Variants in VIPR2 observed in about 807,000 individuals in gnomAD.
VIPR2 encodes vasoactive intestinal polypeptide receptor 2.
A neutral mutation model predicts 58.0 loss-of-function variants in VIPR2; 48 were observed. The ratio of observed to expected loss-of-function variants is 0.83; its 90% CI spans 0.66 to 1.05. The LOEUF is 1.05. Among genes scored for constraint, VIPR2 ranks in the 50% least tolerant of loss-of-function variants. VIPR2 has a pLI of 0.00. For synonymous variants in VIPR2, 243 were observed against 235.2 expected, an observed-to-expected ratio of 1.03 and a Z score of -0.30; for missense variants, 534 against 558.0, an observed-to-expected ratio of 0.96 and a Z score of 0.43.
rs1209236815 is a variant in VIPR2, at chr7:159,029,799, T to G, written c.*817A>C. On this transcript the variant is annotated 3_prime_UTR_variant, in exon 13 of 13. Coordinates refer to ENST00000262178, the MANE Select transcript of VIPR2 (RefSeq NM_003382.5). ...CTTCCGTGGGGAGGCAAAACAGCCCTGTGGAGTTGGGTGGGGCAGGGCTCA... is the reference window on the plus strand; with the variant it reads ...CTTCCGTGGGGAGGCAAAACAGCCCGGTGGAGTTGGGTGGGGCAGGGCTCA... 3 of 152,496 alleles carry G rather than the reference T, an allele frequency of 2.0e-5. No individual in the cohort carries two copies. The highest frequency in any genetic ancestry group is 7.2e-5 in the African/African-American group (3 of 41,444). The allele number at this position is 152,496 out of a possible 1,614,324, so 9.4% of individuals were successfully genotyped here. A position where few individuals can be genotyped will look rare whatever the true frequency, so the allele number is the denominator to read the frequency against.
chr7:159,106,720 AGGGCAGAGAGAGGCCAGGGAG>A (rs1795744211), intron 3 of VIPR2, among the ~76,000 whole-genome samples: 8 of 15,190 alleles, frequency 5.3e-4, no homozygotes, highest in Admixed American at 4.5e-3. Context: ...AGGCCAGGGA[AGGGCAGAGAGAGGCCAGGGAG>A]GGGCAGAGAG....
intron 2 of VIPR2, among the ~76,000 whole-genome samples, chr7:159,124,416 T>C (rs1796583015): frequency 6.6e-6 from 1 of 152,204 alleles, no homozygotes; most frequent in Admixed American, 6.5e-5. Flanking sequence ...TTTTCCCTAT[T>C]GCTTATTTTT....
At chr7:159,114,002 A>T (rs963877631) in intron 2 of VIPR2, among the ~76,000 whole-genome samples, 3 of 152,232 alleles carry the variant, frequency 2.0e-5, no homozygotes, top group Admixed American at 1.3e-4. Context: ...ACAGCCTTGT[A>T]GTATCATTTG....
chr7:159,034,705 T>A (rs1369228306), intron 8 of VIPR2, 55 bp from the exon 9 acceptor site: 4 of 1,512,940 alleles, frequency 2.6e-6, no homozygotes, highest in Non-Finnish European at 3.7e-6. Context: ...GCAAGACAGG[T>A]ACAGAAGAAT....
intron 4 of VIPR2, among the ~76,000 whole-genome samples, chr7:159,091,825 C>T (rs1006620550): frequency 6.6e-6 from 1 of 152,212 alleles, no homozygotes; most frequent in Non-Finnish European, 1.5e-5. Flanking sequence ...CCTGAGCAAC[C>T]GCAGTTAGAA....
At chr7:159,063,601 GCTC>G (rs977801713) in intron 4 of VIPR2, among the ~76,000 whole-genome samples, 2 of 151,442 alleles carry the variant, frequency 1.3e-5, no homozygotes, top group East Asian at 2.0e-4. Flanking sequence ...GGGCTGAAGC[GCTC>G]CTCAAGCGCG....
intron 4 of VIPR2, among the ~76,000 whole-genome samples, chr7:159,087,098 T>C (rs1034664611): frequency 6.6e-6 from 1 of 152,030 alleles, no homozygotes; most frequent in African/African-American, 2.4e-5. Flanking sequence ...AGGACTCTGA[T>C]AGTGAGATAC....
At position 159,036,054 on chromosome 7, in the gene VIPR2, G is replaced by A. The variant is rs779283356; in HGVS notation, c.749-42C>T. 6 of 1,593,956 alleles carry A rather than the reference G, an allele frequency of 3.8e-6. No individual in the cohort carries two copies. In the African/African-American group the frequency reaches 8.1e-5, roughly 21 times the overall value. ...GGTTACACAGGTGGAGCGGAGCGGT[G>A]TGCACGCACACAGGTGGGTGCCTTC... is the stretch of plus-strand genomic sequence containing the variant. On this transcript the variant is annotated intron_variant, in intron 7 of 12. Coordinates refer to ENST00000262178, the MANE Select transcript of VIPR2 (RefSeq NM_003382.5).
chr7:159,048,799 G>C (rs1020497290), intron 5 of VIPR2, among the ~76,000 whole-genome samples: 1 of 151,910 alleles, frequency 6.6e-6, no homozygotes, highest in African/African-American at 2.4e-5. Flanking sequence ...GCTCCTCTTT[G>C]GGCTGGCACC....
intron 4 of VIPR2, among the ~76,000 whole-genome samples, chr7:159,083,272 A>G (rs913511379): frequency 8.5e-5 from 13 of 152,146 alleles, no homozygotes; most frequent in Non-Finnish European, 8.8e-5. Flanking sequence ...TGTCTGGGTG[A>G]GGGAGTCTCC....
At chr7:159,062,387 G>A (rs1003837441) in intron 4 of VIPR2, among the ~76,000 whole-genome samples, 1 of 152,178 alleles carries the variant, frequency 6.6e-6, no homozygotes, top group Non-Finnish European at 1.5e-5. Context: ...TAAAGGTAAT[G>A]TGTCCCCAGT....
chr7:159,043,275 A>G, intron 5 of VIPR2, 99 bp from the exon 6 acceptor site: 2 of 1,089,026 alleles, frequency 1.8e-6, no homozygotes, highest in Non-Finnish European at 2.5e-6. Flanking sequence ...TGATCAGAGA[A>G]GCACAGAAAA....
Position 159,095,845 on chromosome 7 carries a change from C to T in VIPR2, c.357+7912G>A, listed in dbSNP as rs147110376. On this transcript the variant is annotated intron_variant, in intron 4 of 12. Coordinates refer to ENST00000262178, the MANE Select transcript of VIPR2 (RefSeq NM_003382.5). This position sits in a 1 kb window ranked among gnomAD's most constrained non-coding sequence, Gnocchi z 5.2. ...TTTTTTTAAGTCTTTAACAGACCTC[C>T]CTAGAACCCTGAAATTTGGGTTTCC... is the stretch of plus-strand genomic sequence containing the variant. 2.0e-5 allele frequency among the ~76,000 whole-genome samples: 3 copies of T among 152,270 alleles called. No individual in the cohort carries two copies. Among genetic ancestry groups the T allele is most frequent in the East Asian group, 3.9e-4 (2 of 5,166 alleles).
intron 4 of VIPR2, among the ~76,000 whole-genome samples, chr7:159,063,346 G>A (rs1226477126): frequency 6.6e-6 from 1 of 152,132 alleles, no homozygotes; most frequent in Non-Finnish European, 1.5e-5. Context: ...GCACTGCTGG[G>A]GGAACCCGGT....
chr7:159,127,647 CG>C lies in VIPR2; in HGVS notation c.151+14798del, dbSNP rs773567003. The stretch of plus-strand genomic sequence containing the variant: ...GTCTCTTCCACACCTGCAGGGTCCT[CG>C]GGGCCCTCAGCTTTGGCATGTAAAC... On this transcript the variant is annotated intron_variant, in intron 2 of 12. Transcript: ENST00000262178. This position sits in a 1 kb window ranked among gnomAD's most constrained non-coding sequence, Gnocchi z 4.6. Among the ~76,000 whole-genome samples the C allele has an allele frequency of 6.6e-5, 10 of 152,120 alleles. No homozygotes were observed. Among genetic ancestry groups the C allele is most frequent in the Non-Finnish European group, 1.3e-4 (9 of 68,018 alleles).
At chr7:159,050,910 T>C (rs1854968472) in intron 5 of VIPR2, among the ~76,000 whole-genome samples, 1 of 152,184 alleles carries the variant, frequency 6.6e-6, no homozygotes. Flanking sequence ...AAAGGAACAA[T>C]GGTGCACTGG....
intron 4 of VIPR2, among the ~76,000 whole-genome samples, chr7:159,061,640 G>A (rs965872158): frequency 1.3e-5 from 2 of 151,554 alleles, no homozygotes; most frequent in South Asian, 2.1e-4. Context: ...GTGACAGAGC[G>A]AGGACCTGTC....
At chr7:159,032,187 C>T (rs1853636075) in intron 10 of VIPR2, 120 bp from the exon 11 acceptor site, 6 of 1,369,402 alleles carry the variant, frequency 4.4e-6, no homozygotes, top group East Asian at 5.0e-5. Context: ...CTCCTCTCCA[C>T]TGCTGGAGTC....
rs1466498829 is a variant in VIPR2 at position 159,029,460 on chromosome 7, GGGA to G, written c.*1153_*1155del. ...CTAGGGCTGCTGAGCGCCAGCTCTG[GGGA>G]GGAGGGCTTGAAACAGTTTTATATG... On this transcript the variant is annotated 3_prime_UTR_variant, in exon 13 of 13. Transcript: ENST00000262178. The G allele has an allele frequency of 6.6e-6, 1 of 152,276 alleles. No homozygotes were observed. Among genetic ancestry groups the G allele is most frequent in the Admixed American group, 6.5e-5 (1 of 15,292 alleles). 9.4% of individuals were successfully genotyped at this position (152,276 alleles called of 1,614,324 possible).
Sources: allele counts gnomAD v4.1 joint callset (sites outside exome capture counted in the v4.1 genomes callset), GRCh38; gene constraint gnomAD v4.1.1; non-coding constraint Gnocchi (gnomAD v3.1); transcripts MANE v1.5; gene names NCBI Gene and HGNC (gene_info 2026-07-23, HGNC 2026-07-21).